Variants in VIPR2 observed in about 807,000 individuals in gnomAD.
VIPR2 encodes the protein vasoactive intestinal polypeptide receptor 2.
In VIPR2, 48 loss-of-function variants were observed where a neutral mutation model predicts 58.0. The ratio of observed to expected loss-of-function variants is 0.83; its 90% CI spans 0.66 to 1.05. VIPR2 has a LOEUF of 1.05. Among genes scored for constraint, VIPR2 ranks in the 50% least tolerant of loss-of-function variants. VIPR2 has a pLI of 0.00. For missense variants in VIPR2, 534 were observed against 558.0 expected (o/e 0.96, Z 0.43); for synonymous variants, 243 against 235.2 (o/e 1.03, Z -0.30).
chr7:159,034,338 A>T, intron 9 of VIPR2, 34 bp from the exon 10 acceptor site: 1 of 1,604,168 alleles, frequency 6.2e-7, no homozygotes, highest in Non-Finnish European at 8.5e-7. Flanking sequence ...TGAAACAGAC[A>T]CGTGGATCCC....
intron 4 of VIPR2, among the ~76,000 whole-genome samples, chr7:159,100,944 G>A (rs903184707): frequency 1.3e-5 from 2 of 149,536 alleles, no homozygotes; most frequent in East Asian, 2.0e-4. Context: ...CACGAGATCC[G>A]ATGAGGCGGT....
rs1294289154 is a variant in VIPR2 at position 159,087,145 on chromosome 7, G to C, written c.357+16612C>G. Among the ~76,000 whole-genome samples the C allele has an allele frequency of 6.7e-5, 10 of 150,180 alleles. No homozygotes were observed. In the East Asian group the frequency reaches 2.0e-3, roughly 29 times the overall value. On this transcript the variant is annotated intron_variant, in intron 4 of 12. Coordinates refer to ENST00000262178, the MANE Select transcript of VIPR2 (RefSeq NM_003382.5). Reference sequence around the variant, plus strand: ...AAATAATACCCAGGACTCGGATAGTGAGATATGGCTTCCCAACAAACAATA... The same window carrying C: ...AAATAATACCCAGGACTCGGATAGTCAGATATGGCTTCCCAACAAACAATA...
intron 4 of VIPR2, among the ~76,000 whole-genome samples, chr7:159,082,382 G>A (rs113771837): frequency 0.095 from 14,406 of 152,002 alleles, 758 homozygotes; most frequent in Middle Eastern, 0.14. Flanking sequence ...ACCAAACACC[G>A]CATGTTCTCA....
At chr7:159,101,634 G>A (rs1162107840) in intron 4 of VIPR2, among the ~76,000 whole-genome samples, 20 of 144,762 alleles carry the variant, frequency 1.4e-4, no homozygotes, top group African/African-American at 4.9e-4. Context: ...CGGGTCTCAC[G>A]AGATCCGACG....
chr7:159,120,941 C>T (rs1796430827), intron 2 of VIPR2, among the ~76,000 whole-genome samples: 1 of 152,208 alleles, frequency 6.6e-6, no homozygotes, highest in Non-Finnish European at 1.5e-5. Flanking sequence ...TAAACAGGGG[C>T]CGTCCAGCCC....
chr7:159,078,893 G>A (rs138033453), intron 4 of VIPR2, among the ~76,000 whole-genome samples: 85 of 152,222 alleles, frequency 5.6e-4, no homozygotes, highest in Admixed American at 1.6e-3. Flanking sequence ...TGGACGCTAG[G>A]TGTTATCCTC....
intron 6 of VIPR2, among the ~76,000 whole-genome samples, chr7:159,041,512 T>C (rs1266821033): frequency 6.8e-6 from 1 of 147,370 alleles, no homozygotes; most frequent in African/African-American, 2.6e-5. Context: ...GGGTCTGTCA[T>C]GGGCCACTGC....
At position 159,099,487 on chromosome 7, in the gene VIPR2, T is replaced by A. The variant is rs1858079043; in HGVS notation, c.357+4270A>T. ...TGACATTGCCACAGCAGGCGGCGGC[T>A]GTCACTGCCTCCCAGATCCACATCA... On this transcript the variant is annotated intron_variant, in intron 4 of 12. Coordinates refer to ENST00000262178, the MANE Select transcript of VIPR2 (RefSeq NM_003382.5). The surrounding 1 kb of genome is among the most constrained non-coding windows in gnomAD (Gnocchi z 4.2). Among the ~76,000 whole-genome samples, 1 of 152,196 alleles carries A rather than the reference T, an allele frequency of 6.6e-6. No individual in the cohort carries two copies. Among genetic ancestry groups the A allele is most frequent in the African/African-American group, 2.4e-5 (1 of 41,442 alleles).
chr7:159,058,404 G>C lies in VIPR2; in HGVS notation c.455+77C>G, dbSNP rs192830278. The stretch of plus-strand genomic sequence containing the variant: ...TTAGCACACAGAGGGCTCCAGGCTG[G>C]GTGGCGCCTAGAAGGCCTAAATGGA... On this transcript the variant is annotated intron_variant, in intron 5 of 12. Coordinates refer to ENST00000262178, the MANE Select transcript of VIPR2 (RefSeq NM_003382.5). The C allele has an allele frequency of 4.9e-5, 60 of 1,229,478 alleles. No individual in the cohort carries two copies. In the African/African-American group the frequency reaches 7.5e-4, roughly 15 times the overall value. The allele number at this position is 1,229,478 out of a possible 1,614,324, so 76.2% of individuals were successfully genotyped here. A position where few individuals can be genotyped will look rare whatever the true frequency, so the allele number is the denominator to read the frequency against.
chr7:159,034,017 G>T (rs1040303330), intron 10 of VIPR2, among the ~76,000 whole-genome samples, 196 bp downstream of exon 10: 10 of 152,190 alleles, frequency 6.6e-5, no homozygotes, highest in Admixed American at 5.9e-4. Flanking sequence ...GGAGTGATTT[G>T]TTACTTCGCC....
In VIPR2 at chr7:159,034,229, C is replaced by T. The variant is rs533997577; in HGVS notation, c.955G>A (p.Asp319Asn). 18 of 1,614,010 alleles carry T rather than the reference C, an allele frequency of 1.1e-5. No individual in the cohort carries two copies. Among genetic ancestry groups the T allele is most frequent in the Admixed American group, 8.3e-5 (5 of 60,034 alleles). Residue 319 changes from aspartate (D) to asparagine (N), a missense_variant, in exon 10 of 13, where the codon GAC (aspartate) becomes AAC (asparagine). Transcript: ENST00000262178. ...CACACTCACTTGTACTGAGACTGGT[C>T]GTTGCCGCCGACATCTGGGGATGTT... ...KLTSPDVGGNDQSQYKRLAKS... is the reference protein window; with the variant it reads ...KLTSPDVGGNNQSQYKRLAKS...
At chr7:159,067,423 A>G (rs1856155301) in intron 4 of VIPR2, among the ~76,000 whole-genome samples, 1 of 152,226 alleles carries the variant, frequency 6.6e-6, no homozygotes, top group African/African-American at 2.4e-5. Flanking sequence ...TTTGAACAGC[A>G]CTAACCTTTC....
chr7:159,059,171 C>T (rs1180441131), intron 4 of VIPR2: 5 of 466,354 alleles, frequency 1.1e-5, no homozygotes, highest in Non-Finnish European at 2.2e-5. Context: ...GATTCATGAT[C>T]ATCATGGTGG....
chr7:159,132,862 T>C (rs1235647), intron 2 of VIPR2, among the ~76,000 whole-genome samples: 1,153 of 47,606 alleles, frequency 0.024, 38 homozygotes, highest in Non-Finnish European at 0.027. Flanking sequence ...CGATTGATTT[T>C]AGACAGAATG....
At chr7:159,064,961 C>G (rs528566079) in intron 4 of VIPR2, among the ~76,000 whole-genome samples, 62 of 152,300 alleles carry the variant, frequency 4.1e-4, no homozygotes, top group African/African-American at 1.4e-3. Context: ...CCACCTCTAC[C>G]GAGAACCTGC....
At chr7:159,035,847 G>C in intron 8 of VIPR2, 105 bp downstream of exon 8, 2 of 1,483,468 alleles carry the variant, frequency 1.3e-6, no homozygotes, top group Admixed American at 2.3e-5. Context: ...GGCCGCAAAC[G>C]CTCCCTGTCC....
intron 4 of VIPR2, among the ~76,000 whole-genome samples, chr7:159,091,245 A>G (rs966016985): frequency 2.0e-5 from 3 of 152,242 alleles, no homozygotes; most frequent in African/African-American, 4.8e-5. Flanking sequence ...TTGCGCATGA[A>G]GCAGAAGATA....
chr7:159,082,408 T>G (rs1026786549), intron 4 of VIPR2, among the ~76,000 whole-genome samples: 1 of 151,694 alleles, frequency 6.6e-6, no homozygotes, highest in African/African-American at 2.4e-5. Context: ...AGGTGGGAAT[T>G]GAACAATGAG....
intron 2 of VIPR2, among the ~76,000 whole-genome samples, chr7:159,134,587 A>G (rs932514531): frequency 2.0e-5 from 3 of 152,156 alleles, no homozygotes; most frequent in Non-Finnish European, 4.4e-5. Flanking sequence ...TTTTATTTAT[A>G]AGTTTTTGTT....
Sources: allele counts gnomAD v4.1 joint callset (sites outside exome capture counted in the v4.1 genomes callset), GRCh38; gene constraint gnomAD v4.1.1; non-coding constraint Gnocchi (gnomAD v3.1); transcripts MANE v1.5; gene names NCBI Gene and HGNC (gene_info 2026-07-23, HGNC 2026-07-21).